MALRD1: variants seen among roughly 807,000 people sequenced by gnomAD.
MALRD1 encodes the protein MAM and LDL-receptor class A domain-containing protein 1.
In MALRD1, 247 loss-of-function variants were observed where a neutral mutation model predicts 242.1. That is an observed-to-expected ratio of 1.02 (90% CI 0.92 to 1.13). The LOEUF (loss-of-function observed/expected upper bound fraction) is 1.13. Among genes scored for constraint, MALRD1 ranks in the 50% most tolerant of loss-of-function variants. MALRD1 has a pLI of 0.00. For synonymous variants in MALRD1, 995 were observed against 866.6 expected (o/e 1.15, Z -2.60); for missense variants, 2,989 against 2,533.1 (o/e 1.18, Z -3.86).
intron 14 of MALRD1, among the ~76,000 whole-genome samples, chr10:19,181,348 C>G (rs919502127): frequency 2.0e-5 from 3 of 152,052 alleles, no homozygotes; most frequent in Non-Finnish European, 2.9e-5. Flanking sequence ...ACTGTGGTAT[C>G]TAAAGAAACA....
intron 28 of MALRD1, among the ~76,000 whole-genome samples, chr10:19,405,894 G>C (rs1021788839): frequency 6.6e-6 from 1 of 151,604 alleles, no homozygotes; most frequent in African/African-American, 2.4e-5. Context: ...GATGAAGACC[G>C]TTTGACCTAT....
Position 19,128,367 on chromosome 10 carries a change from G to A in MALRD1, c.1090G>A (p.Val364Ile). The change falls in exon 8 of 40, where the codon GTA becomes ATA. Residue 364 changes from valine (V) to isoleucine (I), a missense_variant. Transcript: ENST00000454679. ...YYAMESSVLR[V>I]RLYNNKEEEI... ...TGCAATGGAAAGCAGTGTCCTGAGA[G>A]TAAGACTGTATAATAATAAGGTAAG... 2 of 1,233,036 alleles carry A rather than the reference G, an allele frequency of 1.6e-6. No individual in the cohort carries two copies. The highest frequency in any genetic ancestry group is 1.5e-5 in the African/African-American group (1 of 64,562). 76.4% of individuals were successfully genotyped at this position (1,233,036 alleles called of 1,614,324 possible). A position where few individuals can be genotyped will look rare whatever the true frequency, so the allele number is the denominator to read the frequency against.
At chr10:19,705,175 A>G (rs1032193869) in intron 38 of MALRD1, among the ~76,000 whole-genome samples, 3 of 152,174 alleles carry the variant, frequency 2.0e-5, no homozygotes, top group African/African-American at 7.2e-5. Context: ...TGAATCCTTG[A>G]AGGCAGAAGT....
intron 28 of MALRD1, among the ~76,000 whole-genome samples, chr10:19,429,307 C>T (rs1834027361): frequency 6.7e-6 from 1 of 149,900 alleles, no homozygotes; most frequent in Admixed American, 6.6e-5. Context: ...TGGTGGCTCA[C>T]ACCTGTAATC....
intron 31 of MALRD1, among the ~76,000 whole-genome samples, chr10:19,517,584 A>G (rs1165805940): frequency 6.6e-6 from 1 of 152,178 alleles, no homozygotes. Flanking sequence ...GTTCTTATAT[A>G]TGAAATCAGC....
At chr10:19,638,101 CAAAAAAAAAAAA>C (rs56865342) in intron 36 of MALRD1, among the ~76,000 whole-genome samples, 6 of 41,926 alleles carry the variant, frequency 1.4e-4, no homozygotes, top group African/African-American at 3.7e-4. Flanking sequence ...AACTCACTCT[CAAAAAAAAAAAA>C]AAAAAAAAAA....
intron 13 of MALRD1, among the ~76,000 whole-genome samples, chr10:19,170,034 A>G (rs1216311312): frequency 1.3e-5 from 2 of 152,206 alleles, no homozygotes; most frequent in Non-Finnish European, 2.9e-5. Flanking sequence ...ATAACAGAAT[A>G]CAAATTGCTT....
intron 36 of MALRD1, among the ~76,000 whole-genome samples, chr10:19,675,226 A>G (rs1315463479): frequency 1.3e-5 from 2 of 152,322 alleles, no homozygotes; most frequent in African/African-American, 4.8e-5. Context: ...TTGTGTTTTC[A>G]TATTATAATC....
intron 26 of MALRD1, among the ~76,000 whole-genome samples, chr10:19,380,316 C>A (rs1845785522): frequency 6.7e-6 from 1 of 148,680 alleles, no homozygotes; most frequent in African/African-American, 2.5e-5. Context: ...TTTATTACTG[C>A]AAAATGGTCC....
chr10:19,700,222 C>T (rs1280926271), intron 38 of MALRD1, among the ~76,000 whole-genome samples: 1 of 152,126 alleles, frequency 6.6e-6, no homozygotes, highest in Admixed American at 6.6e-5. Context: ...TCTTCTCTGT[C>T]TCTACTACAC....
intron 19 of MALRD1, among the ~76,000 whole-genome samples, chr10:19,263,661 C>T (rs563538735): frequency 1.3e-5 from 2 of 152,044 alleles, no homozygotes; most frequent in African/African-American, 4.8e-5. Context: ...TGTAGATATC[C>T]ATTTCTTTAA....
intron 32 of MALRD1, among the ~76,000 whole-genome samples, chr10:19,556,147 G>T (rs1339453175): frequency 6.6e-6 from 1 of 151,988 alleles, no homozygotes; most frequent in Non-Finnish European, 1.5e-5. Flanking sequence ...TAGGTTTATA[G>T]GAAAACTGAG....
At chr10:19,300,695 A>G (rs1663105993) in intron 21 of MALRD1, among the ~76,000 whole-genome samples, 2 of 152,004 alleles carry the variant, frequency 1.3e-5, no homozygotes, top group African/African-American at 4.8e-5. Flanking sequence ...CTTACTCCAT[A>G]TTCAAAAACC....
chr10:19,277,046 A>T (rs3002464), intron 19 of MALRD1, among the ~76,000 whole-genome samples: 2 of 152,064 alleles, frequency 1.3e-5, no homozygotes, highest in Admixed American at 6.6e-5. Flanking sequence ...TAGCCTCCCA[A>T]GTAGTTGGAA....
chr10:19,240,555 T>A (rs1313513933), intron 18 of MALRD1, among the ~76,000 whole-genome samples: 1 of 152,020 alleles, frequency 6.6e-6, no homozygotes, highest in Non-Finnish European at 1.5e-5. Context: ...GGATCCCTCT[T>A]ATTTATTTCT....
intron 21 of MALRD1, among the ~76,000 whole-genome samples, chr10:19,314,885 G>A (rs886519695): frequency 6.6e-6 from 1 of 151,074 alleles, no homozygotes; most frequent in Non-Finnish European, 1.5e-5. Context: ...TTAGGTATAA[G>A]TGTTATATAT....
intron 5 of MALRD1, among the ~76,000 whole-genome samples, chr10:19,104,903 C>A (rs1378404098): frequency 2.0e-5 from 3 of 151,918 alleles, no homozygotes; most frequent in African/African-American, 7.2e-5. Flanking sequence ...TTTTAATTGA[C>A]ACATAATTGT....
intron 24 of MALRD1, among the ~76,000 whole-genome samples, chr10:19,337,546 T>C (rs1286334581): frequency 6.6e-6 from 1 of 152,184 alleles, no homozygotes; most frequent in Non-Finnish European, 1.5e-5. Flanking sequence ...TTTGTGTATC[T>C]CTTTTTGGAG....
chr10:19,401,034 AAAG>A (rs779412616), intron 28 of MALRD1, among the ~76,000 whole-genome samples: 21 of 152,272 alleles, frequency 1.4e-4, no homozygotes, highest in Non-Finnish European at 1.8e-4. Flanking sequence ...AAAAATAAAA[AAAG>A]AAGAAGAAGA....
Sources: gnomAD v4.1 joint callset for allele counts (sites outside exome capture counted in the v4.1 genomes callset) on GRCh38, gnomAD v4.1.1 for gene constraint, MANE v1.5 for transcripts, NCBI Gene and HGNC (gene_info 2026-07-23, HGNC 2026-07-21) for gene names.